CDH2: variants seen among roughly 807,000 people sequenced by gnomAD.
The protein encoded by CDH2 is cadherin-2.
A neutral mutation model predicts 92.0 loss-of-function variants in CDH2; 17 were observed. The observed-to-expected ratio is 0.18, with a 90% CI of 0.13 to 0.28. The LOEUF (loss-of-function observed/expected upper bound fraction) is 0.28, where lower values mean the gene tolerates loss of function less well. Ranked by LOEUF, CDH2 falls within the 10% of genes least tolerant of loss-of-function variation. CDH2 has a pLI of 1.00. For missense variants in CDH2, 862 were observed against 1,133.1 expected (o/e 0.76, Z 3.44); for synonymous variants, 419 against 415.9 (o/e 1.01, Z -0.09).
intron 2 of CDH2, among the ~76,000 whole-genome samples, chr18:28,093,061 A>G (rs1282125784): frequency 2.0e-5 from 3 of 152,202 alleles, no homozygotes; most frequent in Non-Finnish European, 4.4e-5. Context: ...TGGACATTTC[A>G]TAAGTCATCA....
intron 14 of CDH2, among the ~76,000 whole-genome samples, chr18:27,973,498 T>C (rs762367795): frequency 1.1e-4 from 17 of 152,178 alleles, no homozygotes; most frequent in Admixed American, 2.0e-4. Context: ...CTCATGCCTA[T>C]ACAGTGTTGT....
intron 2 of CDH2, among the ~76,000 whole-genome samples, chr18:28,133,697 C>A (rs1262294864): frequency 6.6e-6 from 1 of 150,698 alleles, no homozygotes; most frequent in Non-Finnish European, 1.5e-5. Flanking sequence ...TTGTTGCTTT[C>A]TAGTGCTTTC....
At chr18:28,138,080 G>T (rs1249393423) in intron 2 of CDH2, among the ~76,000 whole-genome samples, 1 of 151,882 alleles carries the variant, frequency 6.6e-6, no homozygotes, top group Admixed American at 6.6e-5. Context: ...CCATCAATTT[G>T]ACAGCTTATG....
chr18:27,972,367 A>T (rs2011686896), intron 14 of CDH2, among the ~76,000 whole-genome samples: 1 of 152,198 alleles, frequency 6.6e-6, no homozygotes, highest in African/African-American at 2.4e-5. Flanking sequence ...GCTACAGACC[A>T]GTGAGACTAA....
intron 7 of CDH2, 66 bp downstream of exon 7, chr18:28,002,931 T>C: frequency 7.5e-7 from 1 of 1,324,770 alleles, no homozygotes; most frequent in Non-Finnish European, 1.1e-6. Context: ...ATAAAATGTA[T>C]GTGATATGAT....
chr18:28,174,778 T>C lies in CDH2; in HGVS notation c.60+2185A>G, dbSNP rs375036924. On this transcript the variant is annotated intron_variant, in intron 1 of 15. Transcript: ENST00000269141. ...TTCATGACCAACAAATGTCTCTTCGTGTCCTAACTTCGCTGCACAGTATTC... is the reference window on the plus strand; with the variant it reads ...TTCATGACCAACAAATGTCTCTTCGCGTCCTAACTTCGCTGCACAGTATTC... 1.4e-4 allele frequency among the ~76,000 whole-genome samples: 21 copies of C among 152,340 alleles called. 4 individuals are homozygous for C. Among genetic ancestry groups the C allele is most frequent in the Admixed American group, 3.3e-4 (5 of 15,300 alleles).
At chr18:28,057,902 C>T (rs1331756815) in intron 2 of CDH2, among the ~76,000 whole-genome samples, 5 of 152,086 alleles carry the variant, frequency 3.3e-5, no homozygotes, top group Admixed American at 6.5e-5. Flanking sequence ...CATCACTCAT[C>T]ATGGAGTAGA....
intron 2 of CDH2, among the ~76,000 whole-genome samples, chr18:28,117,981 T>C (rs2015523264): frequency 6.6e-6 from 1 of 152,122 alleles, no homozygotes; most frequent in Non-Finnish European, 1.5e-5. Flanking sequence ...TCATCTGACT[T>C]AATTTATTAA....
chr18:28,058,644 A>G (rs17468531), intron 2 of CDH2, among the ~76,000 whole-genome samples: 39,013 of 152,086 alleles, frequency 0.26, 5,694 homozygotes, highest in African/African-American at 0.38. Context: ...GGAACTTAGA[A>G]CTTTATAACC....
intron 6 of CDH2, among the ~76,000 whole-genome samples, chr18:27,933,217 A>G (rs936474023): frequency 1.3e-5 from 2 of 152,194 alleles, no homozygotes; most frequent in African/African-American, 4.8e-5. Context: ...TGATGGTAAT[A>G]TTAAATAAAC....
chr18:28,003,731 G>A lies in CDH2; in HGVS notation c.848-562C>T, dbSNP rs539574142. On this transcript the variant is annotated intron_variant, in intron 6 of 15. Coordinates refer to ENST00000269141, the MANE Select transcript of CDH2 (RefSeq NM_001792.5). Reference sequence around the variant, plus strand: ...GTACATTGCATAGAGATTTGGCATCGTGGTTCATTATTTCCTCAGTGATTA... The same window carrying A: ...GTACATTGCATAGAGATTTGGCATCATGGTTCATTATTTCCTCAGTGATTA... Among the ~76,000 whole-genome samples, 11 of 152,262 alleles carry A rather than the reference G, an allele frequency of 7.2e-5. No homozygotes were observed. The South Asian group carries it at 8.3e-4, about 11-fold the overall frequency.
At chr18:28,104,729 T>TATCC (rs397778638) in intron 2 of CDH2, among the ~76,000 whole-genome samples, 1 of 151,382 alleles carries the variant, frequency 6.6e-6, no homozygotes, top group Non-Finnish European at 1.5e-5. Flanking sequence ...TCTATCTATC[T>TATCC]GTAATATATA....
intron 1 of CDH2, among the ~76,000 whole-genome samples, chr18:28,151,794 G>T (rs2016126632): frequency 6.6e-6 from 1 of 152,178 alleles, no homozygotes; most frequent in African/African-American, 2.4e-5. Context: ...ATGGTGCATG[G>T]GTTGGCAAGC....
chr18:27,985,198 G>A lies in CDH2; in HGVS notation c.2011C>T (p.Leu671Phe), dbSNP rs767093257. ...FAQLNLKIKFLEAGIYEVPII... is the reference protein window; with the variant it reads ...FAQLNLKIKFFEAGIYEVPII... ...GGAACTTCATAGATACCAGCTTCAA[G>A]AAATTTTATCTTTAAATTAAGCTGA... is the stretch of plus-strand genomic sequence containing the variant. The change falls in exon 13 of 16, where the codon CTT becomes TTT. Residue 671 changes from leucine (L) to phenylalanine (F), a missense_variant. Around this residue, in one of 5 missense-constraint regions of CDH2, gnomAD observed 564 missense variants for 722.2 expected, o/e 0.78. Transcript: ENST00000269141. 1.2e-6 allele frequency: 2 copies of A among 1,612,232 alleles called. No individual in the cohort carries two copies. The highest frequency in any genetic ancestry group is 3.3e-4 in the Middle Eastern group (2 of 6,062).
chr18:28,145,095 C>A (rs889565038), intron 2 of CDH2, among the ~76,000 whole-genome samples: 1 of 151,994 alleles, frequency 6.6e-6, no homozygotes, highest in Admixed American at 6.6e-5. Flanking sequence ...AAATCATCAG[C>A]GTTCATGGTA....
chr18:27,937,259 T>C (rs1375123431), intron 6 of CDH2, among the ~76,000 whole-genome samples: 1 of 152,160 alleles, frequency 6.6e-6, no homozygotes, highest in Non-Finnish European at 1.5e-5. Context: ...ATAATTAAAA[T>C]AAAGACATTT....
chr18:28,066,839 C>T (rs548536157), intron 2 of CDH2, among the ~76,000 whole-genome samples: 1 of 152,006 alleles, frequency 6.6e-6, no homozygotes, highest in Non-Finnish European at 1.5e-5. Context: ...GTATATACTC[C>T]TCCAATGTGA....
chr18:28,050,971 T>C (rs1158352497), intron 2 of CDH2, among the ~76,000 whole-genome samples: 1 of 152,236 alleles, frequency 6.6e-6, no homozygotes, highest in Non-Finnish European at 1.5e-5. Context: ...AAAATATGTA[T>C]TTCCTTAACC....
chr18:27,972,876 C>T (rs1429119100), intron 14 of CDH2, among the ~76,000 whole-genome samples: 1 of 152,138 alleles, frequency 6.6e-6, no homozygotes, highest in Non-Finnish European at 1.5e-5. Context: ...GGGCACAGAG[C>T]AGAGAAACTT....
Sources: allele counts gnomAD v4.1 joint callset (sites outside exome capture counted in the v4.1 genomes callset), GRCh38; gene constraint gnomAD v4.1.1; regional missense constraint gnomAD v4.1.1; transcripts MANE v1.5; gene names NCBI Gene and HGNC (gene_info 2026-07-23, HGNC 2026-07-21).